FSTL5: variants seen among roughly 807,000 people sequenced by gnomAD.
FSTL5 encodes follistatin-related protein 5.
A neutral mutation model predicts 89.1 loss-of-function variants in FSTL5; 62 were observed. The ratio of observed to expected loss-of-function variants is 0.70; its 90% CI spans 0.57 to 0.86. The LOEUF is 0.86. Among genes scored for constraint, FSTL5 ranks in the 40% least tolerant of loss-of-function variants. FSTL5 has a pLI of 0.00. For synonymous variants in FSTL5, 383 were observed against 346.2 expected (o/e 1.11, Z -1.18); for missense variants, 1,057 against 1,001.6 (o/e 1.06, Z -0.75).
At position 161,459,228 on chromosome 4, in the gene FSTL5, G is replaced by C. The variant is rs1334428811; in HGVS notation, c.1700C>G (p.Thr567Arg). ...WVLSWGTLEKTSPTLQVITLA... is the reference protein window; with the variant it reads ...WVLSWGTLEKRSPTLQVITLA... The stretch of plus-strand genomic sequence containing the variant: ...TGTACTTACCTGTAGTGTTGGTGAT[G>C]TCTTCTCCAAGGTACCCCAGCTTAG... Residue 567 changes from threonine (T) to arginine (R), a missense_variant, in exon 14 of 16, where the codon ACA (threonine) becomes AGA (arginine). By Grantham distance (71) the Thr-to-Arg change is moderately conservative (BLOSUM62 -1). This residue lies in a region of FSTL5 where 980 missense variants were observed against 903.2 expected (regional missense o/e 1.08). Coordinates refer to ENST00000306100, the MANE Select transcript of FSTL5 (RefSeq NM_020116.5). 6.2e-7 allele frequency: 1 copy of C among 1,600,824 alleles called. No individual in the cohort carries two copies. The highest frequency in any genetic ancestry group is 8.6e-7 in the Non-Finnish European group (1 of 1,168,158).
At chr4:162,145,747 C>T (rs1368689166) in intron 1 of FSTL5, among the ~76,000 whole-genome samples, 1 of 152,116 alleles carries the variant, frequency 6.6e-6, no homozygotes, top group East Asian at 1.9e-4. Flanking sequence ...TTTCCATATG[C>T]TCAGATAGTT....
intron 4 of FSTL5, among the ~76,000 whole-genome samples, chr4:161,795,233 G>C (rs907206625): frequency 2.6e-5 from 4 of 152,004 alleles, no homozygotes; most frequent in African/African-American, 9.7e-5. Flanking sequence ...TTATTTTTTA[G>C]TATAAAGTTT....
At chr4:162,157,255 A>T (rs1733515723) in intron 1 of FSTL5, among the ~76,000 whole-genome samples, 1 of 152,142 alleles carries the variant, frequency 6.6e-6, no homozygotes, top group African/African-American at 2.4e-5. Context: ...ATTTTTAAAT[A>T]TTTATAAATT....
intron 6 of FSTL5, among the ~76,000 whole-genome samples, chr4:161,707,510 C>T (rs530119538): frequency 5.9e-5 from 9 of 151,794 alleles, no homozygotes; most frequent in East Asian, 1.9e-4. Context: ...GGCATAAAGA[C>T]GGAGGATGCA....
intron 4 of FSTL5, among the ~76,000 whole-genome samples, chr4:161,848,259 C>T (rs995095804): frequency 6.6e-6 from 1 of 151,918 alleles, no homozygotes; most frequent in Non-Finnish European, 1.5e-5. Flanking sequence ...AATATAATAG[C>T]TACAATGAAA....
chr4:161,834,992 C>A (rs1246946159), intron 4 of FSTL5, among the ~76,000 whole-genome samples: 2 of 146,022 alleles, frequency 1.4e-5, no homozygotes, highest in South Asian at 2.1e-4. Context: ...CCTGCATCGC[C>A]AAGTCAATCC....
chr4:161,949,652 T>C lies in FSTL5; in HGVS notation c.161-29000A>G, dbSNP rs184911563. 4.0e-5 allele frequency among the ~76,000 whole-genome samples: 6 copies of C among 151,436 alleles called. No individual in the cohort carries two copies. The East Asian group carries it at 1.2e-3, about 29-fold the overall frequency. On this transcript the variant is annotated intron_variant, in intron 3 of 15. Transcript: ENST00000306100. Reference sequence around the variant, plus strand: ...CTGCAGATTTCAAACGTATTGTTTATAGTAATTATTATATTTTTTCTATAT... The same window carrying C: ...CTGCAGATTTCAAACGTATTGTTTACAGTAATTATTATATTTTTTCTATAT...
At chr4:161,419,928 T>C (rs921248562) in intron 15 of FSTL5, among the ~76,000 whole-genome samples, 1 of 152,190 alleles carries the variant, frequency 6.6e-6, no homozygotes, top group African/African-American at 2.4e-5. Context: ...AAGTTAAAAC[T>C]GTCACAAGGC....
chr4:161,509,502 G>GA (rs367554428), intron 11 of FSTL5, among the ~76,000 whole-genome samples: 3,195 of 149,158 alleles, frequency 0.021, 93 homozygotes, highest in African/African-American at 0.07. Context: ...ATCTAAGAGA[G>GA]AAAAAAAAAA....
intron 15 of FSTL5, among the ~76,000 whole-genome samples, chr4:161,392,533 T>C (rs1335549818): frequency 6.6e-6 from 1 of 152,192 alleles, no homozygotes; most frequent in African/African-American, 2.4e-5. Flanking sequence ...GTAAAATCTG[T>C]GTACATCATA....
chr4:161,556,179 T>C (rs1029722936), intron 8 of FSTL5, among the ~76,000 whole-genome samples: 6 of 151,540 alleles, frequency 4.0e-5, no homozygotes, highest in African/African-American at 1.5e-4. Flanking sequence ...TGCACCTCAA[T>C]AGTGTGTTTG....
intron 8 of FSTL5, among the ~76,000 whole-genome samples, chr4:161,565,363 C>G (rs1407086712): frequency 2.0e-5 from 3 of 151,662 alleles, no homozygotes; most frequent in African/African-American, 7.3e-5. Context: ...AAATGGAAAT[C>G]CACATAAACT....
At chr4:161,767,878 G>C (rs1268057272) in intron 5 of FSTL5, among the ~76,000 whole-genome samples, 1 of 150,040 alleles carries the variant, frequency 6.7e-6, no homozygotes, top group African/African-American at 2.5e-5. Flanking sequence ...AGAGAAAATA[G>C]GCAATGAAAA....
chr4:161,397,958 T>C (rs1047740538), intron 15 of FSTL5, among the ~76,000 whole-genome samples: 1 of 152,028 alleles, frequency 6.6e-6, no homozygotes, highest in Admixed American at 6.5e-5. Context: ...TAAAAAGTTA[T>C]ATGTATTTCA....
At chr4:161,929,099 CCTTA>C (rs919295893) in intron 3 of FSTL5, among the ~76,000 whole-genome samples, 132 of 151,628 alleles carry the variant, frequency 8.7e-4, no homozygotes, top group African/African-American at 3.1e-3. Context: ...TGTCTTCCTT[CCTTA>C]CTTCCTTCCT....
At chr4:161,809,534 C>T (rs1730076457) in intron 4 of FSTL5, among the ~76,000 whole-genome samples, 1 of 152,220 alleles carries the variant, frequency 6.6e-6, no homozygotes, top group Non-Finnish European at 1.5e-5. Flanking sequence ...GGTAGTTGTA[C>T]ACCCACAGTT....
chr4:161,613,512 A>C (rs1020179161), intron 7 of FSTL5, among the ~76,000 whole-genome samples: 1 of 151,988 alleles, frequency 6.6e-6, no homozygotes, highest in African/African-American at 2.4e-5. Flanking sequence ...GGTAAGGTTG[A>C]TGATGGTTAG....
chr4:161,764,826 C>T (rs1740936205), intron 5 of FSTL5, among the ~76,000 whole-genome samples: 1 of 152,046 alleles, frequency 6.6e-6, no homozygotes, highest in Non-Finnish European at 1.5e-5. Flanking sequence ...AGTAAAGATA[C>T]TACAAATAAT....
chr4:161,431,626 T>C (rs975079023), intron 15 of FSTL5, among the ~76,000 whole-genome samples: 1 of 151,980 alleles, frequency 6.6e-6, no homozygotes, highest in African/African-American at 2.4e-5. Flanking sequence ...CATAGTAACA[T>C]TGAATGTAAA....
Sources: gnomAD v4.1 joint callset for allele counts (sites outside exome capture counted in the v4.1 genomes callset) on GRCh38, gnomAD v4.1.1 for gene constraint, gnomAD v4.1.1 regional missense constraint, MANE v1.5 for transcripts, NCBI Gene and HGNC (gene_info 2026-07-23, HGNC 2026-07-21) for gene names.